The following ZNF267 variants were observed in gnomAD, a reference collection of about 807,000 sequenced individuals.
ZNF267 encodes the protein zinc finger protein 267, also known as zinc finger (C2H2).
ZNF267 carries 61 observed loss-of-function variants against 71.6 expected under a neutral mutation model. That is an observed-to-expected ratio of 0.85 (90% CI 0.69 to 1.05). The LOEUF is 1.05. Ranked by LOEUF, ZNF267 falls within the 50% of genes least tolerant of loss-of-function variation. ZNF267 has a pLI of 0.00. For missense variants in ZNF267, 852 were observed against 870.0 expected, an observed-to-expected ratio of 0.98 and a Z score of 0.26; for synonymous variants, 288 against 293.2, an observed-to-expected ratio of 0.98 and a Z score of 0.18.
At chr16:31,890,426 T>A (rs764834283) in intron 3 of ZNF267, among the ~76,000 whole-genome samples, 1 of 152,240 alleles carries the variant, frequency 6.6e-6, no homozygotes, top group African/African-American at 2.4e-5. Flanking sequence ...CAACAACCAC[T>A]CCTGATTTTT....
intron 3 of ZNF267, among the ~76,000 whole-genome samples, chr16:31,892,521 T>G (rs772140308): frequency 2.6e-5 from 4 of 152,208 alleles, no homozygotes; most frequent in Admixed American, 6.5e-5. Flanking sequence ...TTAACTCAAA[T>G]GTCCACAGTC....
intron 3 of ZNF267, among the ~76,000 whole-genome samples, chr16:31,888,567 A>C (rs950960844): frequency 2.6e-5 from 4 of 152,030 alleles, no homozygotes; most frequent in African/African-American, 9.7e-5. Context: ...GCTTTTAATA[A>C]ATTTTTTGAG....
chr16:31,882,986 G>A (rs1393532479), intron 1 of ZNF267, among the ~76,000 whole-genome samples: 1 of 152,154 alleles, frequency 6.6e-6, no homozygotes, highest in Non-Finnish European at 1.5e-5. Flanking sequence ...TCTTTGCAGA[G>A]TAAAGGCTCT....
intron 3 of ZNF267, among the ~76,000 whole-genome samples, chr16:31,887,804 G>T (rs1380639499): frequency 6.6e-6 from 1 of 152,076 alleles, no homozygotes; most frequent in African/African-American, 2.4e-5. Context: ...TTGAAATGAA[G>T]AAGTGTGATG....
Position 31,916,058 on chromosome 16 carries a change from C to T in ZNF267, c.1809C>T (p.Pro603=), listed in dbSNP as rs1017076148. The T allele has an allele frequency of 6.2e-7, 1 of 1,613,876 alleles. No individual in the cohort carries two copies. Among genetic ancestry groups the T allele is most frequent in the African/African-American group, 1.3e-5 (1 of 74,972 alleles). Residue 603 remains proline (P), a synonymous_variant, in exon 4 of 4, where the codon CCC becomes CCT. Coordinates refer to ENST00000300870, the MANE Select transcript of ZNF267 (RefSeq NM_003414.6). ...VHRRTHTGEK[P]YTCKECGKAF... is the part of the protein sequence containing the mutation. ...GGCGAACTCATACTGGAGAGAAACC[C>T]TATACATGTAAAGAATGTGGCAAAG...
At chr16:31,914,316 T>C (rs1213345432) in intron 3 of ZNF267, 160 bp from the exon 4 acceptor site, 1 of 621,710 alleles carries the variant, frequency 1.6e-6, no homozygotes, top group Non-Finnish European at 2.6e-6. Flanking sequence ...TGCCACTTTA[T>C]TGTAGTAAAG....
chr16:31,877,583 A>G (rs997478014), intron 1 of ZNF267, among the ~76,000 whole-genome samples: 1 of 152,220 alleles, frequency 6.6e-6, no homozygotes, highest in African/African-American at 2.4e-5. Context: ...AACCTGGAGA[A>G]AAATACAAAG....
chr16:31,905,101 T>C (rs539492906), intron 3 of ZNF267, among the ~76,000 whole-genome samples: 1 of 152,314 alleles, frequency 6.6e-6, no homozygotes, highest in African/African-American at 2.4e-5. Flanking sequence ...TTTAAGAATG[T>C]TGAATATTGG....
At chr16:31,902,613 A>C (rs1216590088) in intron 3 of ZNF267, among the ~76,000 whole-genome samples, 1 of 152,000 alleles carries the variant, frequency 6.6e-6, no homozygotes, top group Non-Finnish European at 1.5e-5. Context: ...TGGTGTATAA[A>C]AATGCTTGTG....
At position 31,916,389 on chromosome 16, in the gene ZNF267, A is replaced by G. The variant is rs1455903680; in HGVS notation, c.2140A>G (p.Arg714Gly). 1.9e-6 allele frequency: 3 copies of G among 1,614,050 alleles called. No individual in the cohort carries two copies. Among genetic ancestry groups the G allele is most frequent in the African/African-American group, 2.7e-5 (2 of 74,952 alleles). ...TTHRRSHSGE[R>G]PYKCEECGKA... Reference sequence around the variant, plus strand: ...ACATCGGAGAAGTCATAGTGGAGAGAGACCCTACAAATGTGAAGAATGTGG... The same window carrying G: ...ACATCGGAGAAGTCATAGTGGAGAGGGACCCTACAAATGTGAAGAATGTGG... Residue 714 changes from arginine (R) to glycine (G), a missense_variant, in exon 4 of 4, where the codon AGA (arginine) becomes GGA (glycine). Arg to Gly is a moderately radical substitution (Grantham distance 125). Transcript: ENST00000300870.
chr16:31,916,367 T>C lies in ZNF267; in HGVS notation c.2118T>C (p.His706=), dbSNP rs1207040395. ...AFSYRSYLTT[H]RRSHSGERPY... ...GCTATAGGTCATACCTCACTACACA[T>C]CGGAGAAGTCATAGTGGAGAGAGAC... The change falls in exon 4 of 4, where the codon CAT becomes CAC. Residue 706 remains histidine (H), a synonymous_variant. Transcript: ENST00000300870. 6.2e-7 allele frequency: 1 copy of C among 1,614,028 alleles called. No individual in the cohort carries two copies. Among genetic ancestry groups the C allele is most frequent in the Non-Finnish European group, 8.5e-7 (1 of 1,179,964 alleles).
rs2084181176 is a variant in ZNF267, at chr16:31,916,697, C to G, written c.*216C>G. On this transcript the variant is annotated 3_prime_UTR_variant, in exon 4 of 4. Transcript: ENST00000300870. Reference sequence around the variant, plus strand: ...TTTTAAACTGTGCTCAACCCTTACTCAAGATAATCCATACTAGAGAAACAC... The same window carrying G: ...TTTTAAACTGTGCTCAACCCTTACTGAAGATAATCCATACTAGAGAAACAC... 5.4e-6 allele frequency: 3 copies of G among 554,710 alleles called. No individual in the cohort carries two copies. Among genetic ancestry groups the G allele is most frequent in the Non-Finnish European group, 9.4e-6 (3 of 319,394 alleles). The allele number at this position is 554,710 out of a possible 1,614,324, so 34.4% of individuals were successfully genotyped here.
intron 3 of ZNF267, among the ~76,000 whole-genome samples, chr16:31,901,277 T>G (rs2084039004): frequency 6.6e-6 from 1 of 152,152 alleles, no homozygotes; most frequent in African/African-American, 2.4e-5. Flanking sequence ...GCATGTGTCT[T>G]TAGAGCAGCA....
intron 3 of ZNF267, among the ~76,000 whole-genome samples, chr16:31,887,251 CTT>C (rs760504639): frequency 0.016 from 2,084 of 129,948 alleles, 53 homozygotes; most frequent in African/African-American, 0.054. Flanking sequence ...GTCAGATTTA[CTT>C]TTTTTTTTTT....
rs144140280 is a variant in ZNF267, at chr16:31,895,270, AT to A, written c.226+10015del. On this transcript the variant is annotated intron_variant, in intron 3 of 3. Transcript: ENST00000300870. ...ACTTAACATGAGATTCTCCAAGTCCATCCATGTTGTTTCAAATGACAGGATT... is the reference window on the plus strand; with the variant it reads ...ACTTAACATGAGATTCTCCAAGTCCACCATGTTGTTTCAAATGACAGGATT... 4.5e-3 allele frequency among the ~76,000 whole-genome samples: 685 copies of A among 152,334 alleles called. 4 individuals carry two copies. Among genetic ancestry groups the A allele is most frequent in the African/African-American group, 0.016 (658 of 41,556 alleles).
chr16:31,874,985 G>GT (rs1026619142), intron 1 of ZNF267, among the ~76,000 whole-genome samples: 6 of 152,028 alleles, frequency 3.9e-5, no homozygotes, highest in Non-Finnish European at 8.8e-5. Context: ...AAAGATTTGT[G>GT]TTTTTTTGGC....
Position 31,916,226 on chromosome 16 carries a change from C to T in ZNF267, c.1977C>T (p.Pro659=). 6.2e-7 allele frequency: 1 copy of T among 1,613,938 alleles called. No individual in the cohort carries two copies. The highest frequency in any genetic ancestry group is 8.5e-7 in the Non-Finnish European group (1 of 1,179,954). ...AGAGAAGTCATACTGGAGAGAGACC[C>T]TACAAATGTGAAGAATGTGGCAAAG... ...THQRSHTGER[P]YKCEECGKAF... is the part of the protein sequence containing the mutation. The change falls in exon 4 of 4, where the codon CCC becomes CCT. Residue 659 remains proline (P), a synonymous_variant. Coordinates refer to ENST00000300870, the MANE Select transcript of ZNF267 (RefSeq NM_003414.6).
chr16:31,915,730 G>A lies in ZNF267; in HGVS notation c.1481G>A (p.Cys494Tyr), dbSNP rs750695362. 6.2e-7 allele frequency: 1 copy of A among 1,613,258 alleles called. No homozygotes were observed. Among genetic ancestry groups the A allele is most frequent in the South Asian group, 1.1e-5 (1 of 90,984 alleles). ...RVHTGEKPYK[C>Y]KECGKVFSRS... ...CATACTGGAGAGAAGCCTTATAAATGTAAAGAATGTGGCAAAGTCTTTAGC... is the reference window on the plus strand; with the variant it reads ...CATACTGGAGAGAAGCCTTATAAATATAAAGAATGTGGCAAAGTCTTTAGC... Residue 494 changes from cysteine to tyrosine, a missense_variant, in exon 4 of 4, where the codon TGT (cysteine) becomes TAT (tyrosine). By Grantham distance (194) the Cys-to-Tyr change is radical. Transcript: ENST00000300870.
At chr16:31,893,502 G>A (rs1443408086) in intron 3 of ZNF267, among the ~76,000 whole-genome samples, 3 of 152,248 alleles carry the variant, frequency 2.0e-5, no homozygotes, top group South Asian at 2.1e-4. Flanking sequence ...CTTTTCTATC[G>A]CATTGTTAGG....
Sources: allele counts gnomAD v4.1 joint callset (sites outside exome capture counted in the v4.1 genomes callset), GRCh38; gene constraint gnomAD v4.1.1; transcripts MANE v1.5; gene names NCBI Gene and HGNC (gene_info 2026-07-23, HGNC 2026-07-21).